ASB5: variants seen among roughly 807,000 people sequenced by gnomAD.
The protein encoded by ASB5 is ankyrin repeat and SOCS box containing 5.
ASB5 carries 45 observed loss-of-function variants against 42.1 expected under a neutral mutation model. That is an observed-to-expected ratio of 1.07 (90% CI 0.84 to 1.37). ASB5 has a LOEUF of 1.37. Among genes scored for constraint, ASB5 ranks in the 40% most tolerant of loss-of-function variants. The pLI is 0.00. For missense variants in ASB5, 402 were observed against 399.8 expected (o/e 1.01, Z -0.05); for synonymous variants, 147 against 150.6 (o/e 0.98, Z 0.18).
Position 176,215,492 on chromosome 4 carries a change from C to T in ASB5, c.*108G>A, listed in dbSNP as rs1752941114. Reference sequence around the variant, plus strand: ...ATATTTTACTGCTTCCCTGGGTGATCTCACACTCACTTTTATCCTATCTTT... The same window carrying T: ...ATATTTTACTGCTTCCCTGGGTGATTTCACACTCACTTTTATCCTATCTTT... On this transcript the variant is annotated 3_prime_UTR_variant, in exon 7 of 7. Transcript: ENST00000296525. 2 of 1,169,868 alleles carry T rather than the reference C, an allele frequency of 1.7e-6. No individual in the cohort carries two copies. The highest frequency in any genetic ancestry group is 2.4e-6 in the Non-Finnish European group (2 of 844,134). The allele number at this position is 1,169,868 out of a possible 1,614,324, so 72.5% of individuals were successfully genotyped here.
At chr4:176,236,655 A>G (rs1000764997) in intron 1 of ASB5, among the ~76,000 whole-genome samples, 4 of 152,194 alleles carry the variant, frequency 2.6e-5, no homozygotes, top group African/African-American at 7.2e-5. Context: ...GCTATTACAT[A>G]GTAAATATAA....
At chr4:176,272,909 G>T (rs1302864522), upstream of ASB5, among the ~76,000 whole-genome samples, 1 of 151,154 alleles carries the variant, frequency 6.6e-6, no homozygotes, top group Non-Finnish European at 1.5e-5. Flanking sequence ...AATCTTAACA[G>T]GAGGGAAATA....
At chr4:176,238,916 C>T (rs150164144) in intron 1 of ASB5, among the ~76,000 whole-genome samples, 4 of 152,240 alleles carry the variant, frequency 2.6e-5, no homozygotes, top group Non-Finnish European at 4.4e-5. Context: ...GTTTGTGTGA[C>T]CTGGAGCGAG....
chr4:176,228,255 T>C (rs537936720), intron 1 of ASB5, among the ~76,000 whole-genome samples: 2 of 152,324 alleles, frequency 1.3e-5, no homozygotes, highest in South Asian at 4.1e-4. Context: ...GTCTGTTTCA[T>C]TCTGATTCCC....
chr4:176,260,538 A>G (rs1754243007), intron 1 of ASB5, among the ~76,000 whole-genome samples: 1 of 152,104 alleles, frequency 6.6e-6, no homozygotes, highest in Non-Finnish European at 1.5e-5. Flanking sequence ...CCCTGACATG[A>G]TATTCTTTGG....
chr4:176,240,547 T>C (rs1753789369), intron 1 of ASB5, among the ~76,000 whole-genome samples: 2 of 152,164 alleles, frequency 1.3e-5, no homozygotes, highest in African/African-American at 4.8e-5. Flanking sequence ...TACTTATAGA[T>C]GTTTCAAACT....
At chr4:176,257,899 A>G (rs1754185785) in intron 1 of ASB5, among the ~76,000 whole-genome samples, 2 of 152,330 alleles carry the variant, frequency 1.3e-5, no homozygotes, top group South Asian at 4.1e-4. Flanking sequence ...ATTGGCAGAT[A>G]AATCAAGCTG....
chr4:176,219,508 AAT>A (rs1230413282), intron 5 of ASB5, among the ~76,000 whole-genome samples: 1 of 43,332 alleles, frequency 2.3e-5, no homozygotes, highest in African/African-American at 6.9e-5. Flanking sequence ...ATGATATATA[AAT>A]ATATATATTT....
rs1754423969 is a variant in ASB5 at position 176,269,175 on chromosome 4, G to A, written c.-67C>T. 33 of 1,459,182 alleles carry A rather than the reference G, an allele frequency of 2.3e-5. No individual in the cohort carries two copies. The highest frequency in any genetic ancestry group is 2.9e-5 in the Non-Finnish European group (31 of 1,066,014). 90.4% of individuals were successfully genotyped at this position (1,459,182 alleles called of 1,614,324 possible). On this transcript the variant is annotated 5_prime_UTR_variant, in exon 1 of 7. Coordinates refer to ENST00000296525, the MANE Select transcript of ASB5 (RefSeq NM_080874.4). ...TCTCAAATGTGCCTGGCTCTCGTCC[G>A]GGATGCTCCTGAACAGCTGGTCCTG...
At chr4:176,243,548 G>A (rs1375640724) in intron 1 of ASB5, among the ~76,000 whole-genome samples, 2 of 151,942 alleles carry the variant, frequency 1.3e-5, no homozygotes, top group Non-Finnish European at 2.9e-5. Context: ...TGTTGCCCAG[G>A]CTGGAGTGCG....
intron 1 of ASB5, among the ~76,000 whole-genome samples, chr4:176,248,736 G>A (rs1753960159): frequency 6.6e-6 from 1 of 152,124 alleles, no homozygotes; most frequent in Admixed American, 6.5e-5. Flanking sequence ...AGAATATTTA[G>A]AGAATGATTC....
chr4:176,241,979 A>G (rs1264266806), intron 1 of ASB5, among the ~76,000 whole-genome samples: 1 of 152,284 alleles, frequency 6.6e-6, no homozygotes, highest in Middle Eastern at 3.4e-3. Flanking sequence ...AAAACTGCAC[A>G]TACACCTGGG....
chr4:176,238,764 T>A (rs974456725), intron 1 of ASB5, among the ~76,000 whole-genome samples: 2 of 152,104 alleles, frequency 1.3e-5, no homozygotes, highest in Non-Finnish European at 2.9e-5. Context: ...GAAAAAAAAA[T>A]TATGACTATA....
chr4:176,274,256 C>T (rs141491480), intron 2 of ASB5, among the ~76,000 whole-genome samples: 1 of 152,208 alleles, frequency 6.6e-6, no homozygotes, highest in Admixed American at 6.5e-5. Context: ...CCTGAAGTAG[C>T]TGATCTGACA....
chr4:176,223,311 A>G (rs1753277477), intron 2 of ASB5, among the ~76,000 whole-genome samples: 1 of 152,210 alleles, frequency 6.6e-6, no homozygotes, highest in Non-Finnish European at 1.5e-5. Context: ...TTTGAAGATT[A>G]TCATGACAAT....
chr4:176,267,976 C>T (rs1224246792), intron 1 of ASB5, among the ~76,000 whole-genome samples: 1 of 152,134 alleles, frequency 6.6e-6, no homozygotes. Flanking sequence ...ACTTTTCTTT[C>T]AAGTTTACAT....
intron 6 of ASB5, 45 bp downstream of exon 6, chr4:176,216,773 C>G (rs199615784): frequency 1.0e-5 from 15 of 1,469,418 alleles, no homozygotes; most frequent in Admixed American, 2.3e-5. Flanking sequence ...CTATTTTAGG[C>G]AAATATATTT....
upstream of ASB5, among the ~76,000 whole-genome samples, chr4:176,273,460 GA>G (rs952821566): frequency 4.0e-5 from 6 of 150,130 alleles, no homozygotes; most frequent in East Asian, 5.8e-4. Context: ...AATCTCGTGA[GA>G]AAAAAAAATA....
Position 176,221,157 on chromosome 4 carries a change from G to T in ASB5, c.668C>A (p.Ala223Asp), listed in dbSNP as rs777797360. 6.2e-7 allele frequency: 1 copy of T among 1,612,202 alleles called. No individual in the cohort carries two copies. Among genetic ancestry groups the T allele is most frequent in the South Asian group, 1.1e-5 (1 of 90,638 alleles). Residue 223 changes from alanine (A) to aspartate (D), a missense_variant and splice_region_variant, in exon 5 of 7, where the codon GCT (alanine) becomes GAT (aspartate). By Grantham distance (126) the Ala-to-Asp change is moderately radical (BLOSUM62 -2). Transcript: ENST00000296525. ...QFHCIWKLLY[A>D]GADVQKGKYW... The stretch of plus-strand genomic sequence containing the variant: ...GAAGATGTTTTAAAGGAAAATACCA[G>T]CATAAAGAAGCTTCCAGATGCAATG...
Sources: gnomAD v4.1 joint callset for allele counts (sites outside exome capture counted in the v4.1 genomes callset) on GRCh38, gnomAD v4.1.1 for gene constraint, MANE v1.5 for transcripts, NCBI Gene and HGNC (gene_info 2026-07-23, HGNC 2026-07-21) for gene names.